PRELID2: variants seen among roughly 807,000 people sequenced by gnomAD.
The protein encoded by PRELID2 is PRELI domain containing 2, also known as PRELI domain-containing protein 2.
PRELID2 carries 25 observed loss-of-function variants against 28.4 expected under a neutral mutation model. The ratio of observed to expected loss-of-function variants is 0.88; its 90% CI spans 0.64 to 1.23. PRELID2 has a LOEUF of 1.23. PRELID2 is among the 50% of genes most tolerant of loss of function. The pLI is 0.00. For synonymous variants in PRELID2, 76 were observed against 71.6 expected (o/e 1.06, Z -0.31); for missense variants, 201 against 214.4 (o/e 0.94, Z 0.39).
At chr5:145,490,528 C>T (rs1752259612) in intron 1 of PRELID2, among the ~76,000 whole-genome samples, 3 of 152,168 alleles carry the variant, frequency 2.0e-5, no homozygotes, top group Admixed American at 2.0e-4. Context: ...TATGTAGTAA[C>T]AGTAATCAGT....
chr5:145,744,322 C>G (rs1756928769), intron 1 of PRELID2, among the ~76,000 whole-genome samples: 2 of 152,224 alleles, frequency 1.3e-5, no homozygotes, highest in Non-Finnish European at 1.5e-5. Context: ...GGTTTCCCCC[C>G]ATTGAAGCAC....
chr5:145,457,785 C>A, the PRELID2 span, among the ~76,000 whole-genome samples: 1 of 152,148 alleles, frequency 6.6e-6, no homozygotes, highest in South Asian at 2.1e-4. Flanking sequence ...CTGTCATGGA[C>A]ATGCCCCTTA....
chr5:145,331,135 G>A, the PRELID2 span, among the ~76,000 whole-genome samples: 1 of 152,118 alleles, frequency 6.6e-6, no homozygotes, highest in Non-Finnish European at 1.5e-5. Flanking sequence ...TGTGGTCTGA[G>A]AGACTGTTTG....
intron 1 of PRELID2, among the ~76,000 whole-genome samples, chr5:145,617,271 T>C (rs537079637): frequency 6.6e-6 from 1 of 152,172 alleles, no homozygotes; most frequent in African/African-American, 2.4e-5. Context: ...GATTAAGATA[T>C]TAAAGTAAAG....
chr5:145,365,345 G>A, the PRELID2 span, among the ~76,000 whole-genome samples: 4 of 151,758 alleles, frequency 2.6e-5, no homozygotes, highest in African/African-American at 9.7e-5. Flanking sequence ...ATCCTACAAT[G>A]CAAACATATA....
intron 4 of PRELID2, among the ~76,000 whole-genome samples, chr5:145,807,969 A>G (rs1753633491): frequency 2.6e-5 from 4 of 152,170 alleles, no homozygotes; most frequent in Admixed American, 2.6e-4. Flanking sequence ...TATCTTTTGG[A>G]GGGCAGTCTT....
At chr5:145,348,818 T>C in the PRELID2 span, among the ~76,000 whole-genome samples, 1 of 152,144 alleles carries the variant, frequency 6.6e-6, no homozygotes, top group Non-Finnish European at 1.5e-5. Flanking sequence ...ACTGTATGTG[T>C]ATGTTAAAAT....
the PRELID2 span, among the ~76,000 whole-genome samples, chr5:145,447,474 T>C: frequency 6.6e-6 from 1 of 150,804 alleles, no homozygotes; most frequent in Non-Finnish European, 1.5e-5. Context: ...AATTTTCTTT[T>C]TTTTTTTTTA....
intron 1 of PRELID2, among the ~76,000 whole-genome samples, chr5:145,561,600 G>T (rs186111508): frequency 6.5e-4 from 99 of 152,270 alleles, no homozygotes; most frequent in Non-Finnish European, 1.0e-3. Context: ...CTTGACAGAG[G>T]ACAATTAGGA....
chr5:145,363,659 C>T, the PRELID2 span, among the ~76,000 whole-genome samples: 1 of 152,028 alleles, frequency 6.6e-6, no homozygotes, highest in East Asian at 1.9e-4. Context: ...ATCTTTATAC[C>T]TACAATATAT....
chr5:145,337,927 A>G, the PRELID2 span: 1 of 151,670 alleles, frequency 6.6e-6, no homozygotes, highest in Non-Finnish European at 1.5e-5. Context: ...ACACAAATCA[A>G]AATATTATAT....
the PRELID2 span, among the ~76,000 whole-genome samples, chr5:145,262,979 G>A: frequency 1.3e-5 from 2 of 152,078 alleles, no homozygotes; most frequent in Non-Finnish European, 2.9e-5. Context: ...TAAACTTAAG[G>A]ATAAGGGGTG....
At chr5:145,711,943 C>T (rs987887385) in intron 1 of PRELID2, among the ~76,000 whole-genome samples, 1 of 152,174 alleles carries the variant, frequency 6.6e-6, no homozygotes, top group African/African-American at 2.4e-5. Context: ...TGGTTCAGAA[C>T]GCTGGTAGCT....
At chr5:145,535,662 T>C (rs536368072) in intron 1 of PRELID2, among the ~76,000 whole-genome samples, 1 of 152,016 alleles carries the variant, frequency 6.6e-6, no homozygotes, top group East Asian at 1.9e-4. Context: ...TATAATTTCA[T>C]AGCTGCCTAT....
chr5:145,459,155 G>C, the PRELID2 span, among the ~76,000 whole-genome samples: 2 of 152,184 alleles, frequency 1.3e-5, no homozygotes, highest in Non-Finnish European at 2.9e-5. Context: ...GGACTGCCAG[G>C]CTGCTTTGAA....
chr5:145,631,166 C>T (rs1045810784), intron 1 of PRELID2, among the ~76,000 whole-genome samples: 3 of 152,134 alleles, frequency 2.0e-5, no homozygotes, highest in African/African-American at 4.8e-5. Context: ...TAGAACTTCT[C>T]GAGAAAATGT....
intron 1 of PRELID2, among the ~76,000 whole-genome samples, chr5:145,488,616 T>G (rs369038018): frequency 2.0e-5 from 3 of 152,178 alleles, no homozygotes; most frequent in African/African-American, 7.2e-5. Flanking sequence ...TTCAATAAAT[T>G]TACAATTTGT....
chr5:145,484,022 C>T (rs920584306), intron 1 of PRELID2, among the ~76,000 whole-genome samples: 75 of 152,056 alleles, frequency 4.9e-4, no homozygotes, highest in Admixed American at 4.6e-3. Context: ...TGAAGCCTGC[C>T]CTTGAAGAGC....
At chr5:145,641,691 G>A (rs1348551412) in intron 1 of PRELID2, among the ~76,000 whole-genome samples, 3 of 152,180 alleles carry the variant, frequency 2.0e-5, no homozygotes, top group Non-Finnish European at 4.4e-5. Flanking sequence ...ACAGGCCCTG[G>A]TGTGTGATGT....
Sources: allele counts gnomAD v4.1 joint callset (sites outside exome capture counted in the v4.1 genomes callset), GRCh38; gene constraint gnomAD v4.1.1; transcripts MANE v1.5; gene names NCBI Gene and HGNC (gene_info 2026-07-23, HGNC 2026-07-21).